The following GPC5 variants were observed in gnomAD, a reference collection of about 807,000 sequenced individuals.
GPC5 encodes the protein glypican 5, also known as glypican-5.
In GPC5, 47 loss-of-function variants were observed where a neutral mutation model predicts 53.9. The observed-to-expected ratio is 0.87, with a 90% CI of 0.69 to 1.11. GPC5 has a LOEUF of 1.11. Among genes scored for constraint, GPC5 ranks in the 50% most tolerant of loss-of-function variants. The pLI, the probability that GPC5 is intolerant of heterozygous loss-of-function variation, is 0.00. For synonymous variants in GPC5, 286 were observed against 263.3 expected (o/e 1.09, Z -0.84); for missense variants, 748 against 713.1 (o/e 1.05, Z -0.56).
chr13:92,311,888 G>A (rs183086165), intron 7 of GPC5, among the ~76,000 whole-genome samples: 82 of 152,202 alleles, frequency 5.4e-4, no homozygotes, highest in East Asian at 1.4e-3. Context: ...TGAAAATGGC[G>A]TAAGGTGAGC....
chr13:92,683,794 G>A (rs1887173726), intron 7 of GPC5, among the ~76,000 whole-genome samples: 1 of 152,026 alleles, frequency 6.6e-6, no homozygotes, highest in African/African-American at 2.4e-5. Flanking sequence ...GAAAATTAAA[G>A]TGTGTGTCCA....
intron 7 of GPC5, among the ~76,000 whole-genome samples, chr13:92,836,735 A>G (rs1878232385): frequency 6.6e-6 from 1 of 152,114 alleles, no homozygotes; most frequent in Non-Finnish European, 1.5e-5. Flanking sequence ...ATATTTATGG[A>G]CATTATAGAA....
At chr13:91,540,951 T>G (rs1277328087) in intron 2 of GPC5, among the ~76,000 whole-genome samples, 2 of 152,182 alleles carry the variant, frequency 1.3e-5, no homozygotes, top group Admixed American at 6.5e-5. Context: ...TGAGTCAGAA[T>G]GTACAGTAAC....
chr13:92,540,243 A>G (rs1370142342), intron 7 of GPC5, among the ~76,000 whole-genome samples: 2 of 152,026 alleles, frequency 1.3e-5, no homozygotes, highest in Admixed American at 6.6e-5. Context: ...ACATTTTTAG[A>G]CAAAGCTATT....
At chr13:92,863,432 T>A (rs868444975) in intron 7 of GPC5, among the ~76,000 whole-genome samples, 2 of 152,194 alleles carry the variant, frequency 1.3e-5, no homozygotes, top group Middle Eastern at 3.2e-3. Context: ...TCTGTAGATA[T>A]TATCAAATAA....
chr13:91,677,846 A>T (rs546155595), intron 2 of GPC5, among the ~76,000 whole-genome samples: 3 of 152,310 alleles, frequency 2.0e-5, no homozygotes, highest in East Asian at 3.9e-4. Context: ...AAGGGCTGCT[A>T]GTATCCCATA....
intron 1 of GPC5, among the ~76,000 whole-genome samples, chr13:91,403,476 A>G (rs1295289664): frequency 6.6e-6 from 1 of 152,168 alleles, no homozygotes; most frequent in Non-Finnish European, 1.5e-5. Context: ...AAGGTGGGGT[A>G]GTTGTCATAA....
Position 91,422,483 on chromosome 13 carries a change from A to C in GPC5, c.163+23274A>C, listed in dbSNP as rs150694279. Among the ~76,000 whole-genome samples the C allele has an allele frequency of 2.3e-3, 356 of 152,176 alleles. 1 individual carries two copies. The highest frequency in any genetic ancestry group is 8.2e-3 in the African/African-American group (342 of 41,504). ...AAACCTCGTCTCTACTAAAAATACA[A>C]AAATTAACCAGGCATGGTAGTAGGT... On this transcript the variant is annotated intron_variant, in intron 1 of 7. Transcript: ENST00000377067.
intron 7 of GPC5, among the ~76,000 whole-genome samples, chr13:92,798,431 ACT>A (rs1432892760): frequency 6.6e-6 from 1 of 151,846 alleles, no homozygotes; most frequent in Admixed American, 6.6e-5. Flanking sequence ...AATCATTTAT[ACT>A]TTTTCCTTGC....
intron 7 of GPC5, among the ~76,000 whole-genome samples, chr13:92,379,296 C>T (rs901519729): frequency 6.6e-6 from 1 of 151,638 alleles, no homozygotes; most frequent in Non-Finnish European, 1.5e-5. Flanking sequence ...ATATTATTCC[C>T]TCTCTCTGAT....
In GPC5 at chr13:91,693,769, C is replaced by T. The variant is rs775146119; in HGVS notation, c.908C>T (p.Ser303Leu). ...HAYIRSLEELSDAMHGTYDIG... is the reference protein window; with the variant it reads ...HAYIRSLEELLDAMHGTYDIG... Reference sequence around the variant, plus strand: ...TATATCCGGTCGTTGGAAGAACTCTCGGATGCAATGCATGGAACATACGAC... The same window carrying T: ...TATATCCGGTCGTTGGAAGAACTCTTGGATGCAATGCATGGAACATACGAC... Residue 303 changes from serine to leucine, a missense_variant, in exon 3 of 8, where the codon TCG becomes TTG. By Grantham distance (145) the Ser-to-Leu change is moderately radical. Transcript: ENST00000377067. The T allele has an allele frequency of 8.7e-6, 14 of 1,613,998 alleles. No individual in the cohort carries two copies. Among genetic ancestry groups the T allele is most frequent in the African/African-American group, 2.7e-5 (2 of 74,914 alleles).
chr13:92,531,221 A>C (rs1440510803), intron 7 of GPC5, among the ~76,000 whole-genome samples: 1 of 152,078 alleles, frequency 6.6e-6, no homozygotes, highest in African/African-American at 2.4e-5. Context: ...CACTGATCTC[A>C]AGCAATCATA....
intron 6 of GPC5, among the ~76,000 whole-genome samples, chr13:92,138,997 T>G (rs893572851): frequency 6.6e-6 from 1 of 152,248 alleles, no homozygotes; most frequent in African/African-American, 2.4e-5. Context: ...GAAGCATTTT[T>G]GTACATATTA....
intron 5 of GPC5, among the ~76,000 whole-genome samples, chr13:91,808,161 A>C: frequency 1.3e-5 from 2 of 152,178 alleles, no homozygotes; most frequent in South Asian, 2.1e-4. Context: ...CCATTGTAAA[A>C]GTTTAAAAAC....
chr13:91,912,357 A>G (rs904584647), intron 6 of GPC5, among the ~76,000 whole-genome samples: 5 of 152,092 alleles, frequency 3.3e-5, no homozygotes, highest in African/African-American at 9.7e-5. Flanking sequence ...TCTCCCAACA[A>G]CAACAACAAC....
chr13:92,175,667 T>C (rs1343994851), intron 7 of GPC5, among the ~76,000 whole-genome samples: 1 of 152,074 alleles, frequency 6.6e-6, no homozygotes, highest in Non-Finnish European at 1.5e-5. Flanking sequence ...AACTCAGACT[T>C]CTCTTTAACC....
Position 91,731,062 on chromosome 13 carries a change from A to G in GPC5, c.1154+2397A>G, listed in dbSNP as rs541648798. On this transcript the variant is annotated intron_variant, in intron 4 of 7. Transcript: ENST00000377067. ...CAATCAAGGCTCCTGTCTACCATGGACTGGGAAAGTTTTTGACATCTAACA... is the reference window on the plus strand; with the variant it reads ...CAATCAAGGCTCCTGTCTACCATGGGCTGGGAAAGTTTTTGACATCTAACA... Among the ~76,000 whole-genome samples, 52 of 152,330 alleles carry G rather than the reference A, an allele frequency of 3.4e-4. No individual in the cohort carries two copies. The South Asian group carries it at 0.011, about 32-fold the overall frequency.
intron 7 of GPC5, among the ~76,000 whole-genome samples, chr13:92,670,098 G>C (rs554238881): frequency 6.6e-6 from 1 of 152,126 alleles, no homozygotes; most frequent in Non-Finnish European, 1.5e-5. Context: ...CATATGGCTG[G>C]AACTCACTGA....
intron 2 of GPC5, among the ~76,000 whole-genome samples, chr13:91,689,184 AATATATATATATATATATAT>A (rs1169911890): frequency 0.023 from 1,134 of 49,598 alleles, 52 homozygotes; most frequent in African/African-American, 0.067. Flanking sequence ...ATCATATATA[AATATATATATATATATATAT>A]ATATATATAT....
Sources: allele counts gnomAD v4.1 joint callset (sites outside exome capture counted in the v4.1 genomes callset), GRCh38; gene constraint gnomAD v4.1.1; transcripts MANE v1.5; gene names NCBI Gene and HGNC (gene_info 2026-07-23, HGNC 2026-07-21).